VPS26A: variants seen among roughly 807,000 people sequenced by gnomAD.
The protein encoded by VPS26A is VPS26 retromer complex component A, also known as vacuolar protein sorting-associated protein 26A.
Under a neutral mutation model 42.4 loss-of-function variants are expected in VPS26A, and 22 were observed. The ratio of observed to expected loss-of-function variants is 0.52; its 90% CI spans 0.37 to 0.74. The LOEUF (loss-of-function observed/expected upper bound fraction) is 0.74, where lower values mean the gene tolerates loss of function less well. Among genes scored for constraint, VPS26A ranks in the 30% least tolerant of loss-of-function variants. The pLI is 0.00. For synonymous variants in VPS26A, 110 were observed against 123.5 expected (o/e 0.89, Z 0.73); for missense variants, 276 against 379.2 (o/e 0.73, Z 2.26).
chr10:69,139,985 CTCT>C (rs1392796741), intron 2 of VPS26A, among the ~76,000 whole-genome samples: 1 of 151,546 alleles, frequency 6.6e-6, no homozygotes, highest in East Asian at 1.9e-4. Context: ...TCTGTTCCTT[CTCT>C]TTTTTTCTTA....
intron 2 of VPS26A, among the ~76,000 whole-genome samples, chr10:69,149,419 T>G (rs1239809239): frequency 6.6e-6 from 1 of 152,182 alleles, no homozygotes; most frequent in East Asian, 1.9e-4. Flanking sequence ...AGATGATGAT[T>G]GAGGAATGTT....
chr10:69,124,302 C>G, intron 1 of VPS26A, 22 bp downstream of exon 1: 1 of 1,248,650 alleles, frequency 8.0e-7, no homozygotes, highest in African/African-American at 1.6e-5. Context: ...GCGGCCAGCG[C>G]GCTCGCCTCC....
At position 69,133,034 on chromosome 10, in the gene VPS26A, C is replaced by G; in HGVS notation, c.140C>G (p.Ser47Cys). The G allele has an allele frequency of 6.2e-7, 1 of 1,603,146 alleles. No homozygotes were observed. The highest frequency in any genetic ancestry group is 2.2e-5 in the East Asian group (1 of 44,636). Residue 47 changes from serine (S) to cysteine (C), a missense_variant, in exon 2 of 9, where the codon TCC (serine) becomes TGC (cysteine). Transcript: ENST00000263559. ...EKHYLFYDGE[S>C]VSGKVNLAFK... Reference sequence around the variant, plus strand: ...CACTATCTCTTCTATGACGGAGAATCCGTTTCAGGAAAGGTAAATCTTCTG... The same window carrying G: ...CACTATCTCTTCTATGACGGAGAATGCGTTTCAGGAAAGGTAAATCTTCTG...
chr10:69,136,418 C>T (rs1439016703), intron 2 of VPS26A, among the ~76,000 whole-genome samples: 2 of 151,706 alleles, frequency 1.3e-5, no homozygotes, highest in Non-Finnish European at 2.9e-5. Context: ...GCACGCGCCA[C>T]GACATCCGGC....
chr10:69,141,455 CAA>C (rs1313143311), intron 2 of VPS26A, among the ~76,000 whole-genome samples: 1 of 152,158 alleles, frequency 6.6e-6, no homozygotes, highest in Non-Finnish European at 1.5e-5. Flanking sequence ...CTAGAAGTAA[CAA>C]AGAGCATTTC....
At chr10:69,137,476 C>T (rs1266008128) in intron 2 of VPS26A, among the ~76,000 whole-genome samples, 1 of 152,164 alleles carries the variant, frequency 6.6e-6, no homozygotes, top group East Asian at 1.9e-4. Context: ...GTTTCTTGTG[C>T]AGTAGGCTGT....
chr10:69,162,573 T>G, intron 6 of VPS26A, 61 bp downstream of exon 6: 1 of 1,092,256 alleles, frequency 9.2e-7, no homozygotes, highest in East Asian at 2.7e-5. Context: ...TTTAAAATCT[T>G]AAAATATTGT....
At chr10:69,124,309 C>G in intron 1 of VPS26A, 29 bp downstream of exon 1, 1 of 1,245,318 alleles carries the variant, frequency 8.0e-7, no homozygotes, top group Non-Finnish European at 1.0e-6. Context: ...GCGCGCTCGC[C>G]TCCCGCCCTC....
At chr10:69,131,273 C>T (rs1473518885) in intron 1 of VPS26A, among the ~76,000 whole-genome samples, 4 of 152,278 alleles carry the variant, frequency 2.6e-5, no homozygotes, top group African/African-American at 9.6e-5. Context: ...AGCCAGCGCG[C>T]CCAGCCAGAT....
intron 2 of VPS26A, among the ~76,000 whole-genome samples, chr10:69,152,572 C>T (rs1207158196): frequency 2.0e-5 from 3 of 152,128 alleles, no homozygotes; most frequent in African/African-American, 7.2e-5. Flanking sequence ...AGTTTACAAA[C>T]AGAAGTAATT....
At chr10:69,154,024 G>A (rs1489442860) in intron 2 of VPS26A, among the ~76,000 whole-genome samples, 1 of 152,138 alleles carries the variant, frequency 6.6e-6, no homozygotes, top group Non-Finnish European at 1.5e-5. Flanking sequence ...ATAGGAGCAG[G>A]CTGGCTTCAA....
intron 2 of VPS26A, among the ~76,000 whole-genome samples, chr10:69,146,856 A>G (rs577928687): frequency 8.5e-5 from 13 of 152,316 alleles, no homozygotes; most frequent in Non-Finnish European, 1.5e-4. Context: ...GGTTGGTACT[A>G]TTTGACCATT....
At chr10:69,153,988 T>C (rs1330800869) in intron 2 of VPS26A, among the ~76,000 whole-genome samples, 1 of 152,156 alleles carries the variant, frequency 6.6e-6, no homozygotes, top group East Asian at 1.9e-4. Flanking sequence ...GGTAGGATTG[T>C]AAACACATGC....
chr10:69,138,600 A>G, intron 2 of VPS26A, among the ~76,000 whole-genome samples: 1 of 152,174 alleles, frequency 6.6e-6, no homozygotes, highest in East Asian at 1.9e-4. Flanking sequence ...CATTATTTCT[A>G]GGCTGCTCAG....
chr10:69,134,347 A>G (rs1229648211), intron 2 of VPS26A, among the ~76,000 whole-genome samples: 1 of 152,200 alleles, frequency 6.6e-6, no homozygotes, highest in Non-Finnish European at 1.5e-5. Context: ...TATCTTTGGT[A>G]ATATGGACAT....
intron 7 of VPS26A, among the ~76,000 whole-genome samples, chr10:69,167,434 A>G (rs1430836483): frequency 6.8e-6 from 1 of 147,098 alleles, no homozygotes; most frequent in East Asian, 2.0e-4. Flanking sequence ...AAAAAAAAGA[A>G]AAAGAAAAAG....
chr10:69,124,764 A>G (rs149034351), intron 1 of VPS26A, among the ~76,000 whole-genome samples: 347 of 152,342 alleles, frequency 2.3e-3, no homozygotes, highest in African/African-American at 7.8e-3. Context: ...GACTATGGTG[A>G]CATTCTTTGA....
chr10:69,125,104 A>C (rs1417555202), intron 1 of VPS26A, among the ~76,000 whole-genome samples: 1 of 152,156 alleles, frequency 6.6e-6, no homozygotes, highest in Non-Finnish European at 1.5e-5. Context: ...AGTAGTCGTC[A>C]GTTCTCTTCA....
chr10:69,131,701 T>A (rs2132187094), intron 1 of VPS26A, among the ~76,000 whole-genome samples: 1 of 151,660 alleles, frequency 6.6e-6, no homozygotes, highest in South Asian at 2.1e-4. Context: ...CCACTGCCCT[T>A]CAGCCTGGGC....
Sources: allele counts gnomAD v4.1 joint callset (sites outside exome capture counted in the v4.1 genomes callset), GRCh38; gene constraint gnomAD v4.1.1; transcripts MANE v1.5; gene names NCBI Gene and HGNC (gene_info 2026-07-23, HGNC 2026-07-21).